TMEM164: variants seen among roughly 807,000 people sequenced by gnomAD.
TMEM164 encodes the protein transmembrane protein 164, also known as RP13-360B22.2.
Under a neutral mutation model 18.8 loss-of-function variants are expected in TMEM164, and 4 were observed. The observed-to-expected ratio is 0.21, with a 90% CI of 0.10 to 0.49. TMEM164 has a LOEUF of 0.49. Ranked by LOEUF, TMEM164 falls within the 20% of genes least tolerant of loss-of-function variation. The pLI is 0.98. For missense variants in TMEM164, 108 were observed against 239.9 expected (o/e 0.45, Z 3.63); for synonymous variants, 86 against 101.7 (o/e 0.85, Z 0.93).
At chrX:110,096,365 C>T (rs896986058) in intron 3 of TMEM164, among the ~76,000 whole-genome samples, 1 of 112,828 alleles carries the variant, frequency 8.9e-6, no homozygotes, top group African/African-American at 3.2e-5. Context: ...GCTTTATTTA[C>T]CTACTCAAGC....
At chrX:110,149,765 A>C (rs928702607) in intron 5 of TMEM164, among the ~76,000 whole-genome samples, 1 of 111,977 alleles carries the variant, frequency 8.9e-6, no homozygotes, top group Non-Finnish European at 1.9e-5. Context: ...TGTCTCAAGC[A>C]TATGTCAAAC....
intron 4 of TMEM164, among the ~76,000 whole-genome samples, chrX:110,120,318 C>G (rs1341518681): frequency 8.9e-6 from 1 of 112,097 alleles, no homozygotes; most frequent in Non-Finnish European, 1.9e-5. Context: ...TGAGCCACTA[C>G]TTCAAGCAGT....
At chrX:110,026,731 G>A (rs2147739414) in intron 2 of TMEM164, among the ~76,000 whole-genome samples, 1 of 111,702 alleles carries the variant, frequency 9.0e-6, no homozygotes, top group African/African-American at 3.2e-5. Flanking sequence ...GGTGGAGCTC[G>A]GATTAGAAAT....
intron 4 of TMEM164, among the ~76,000 whole-genome samples, chrX:110,139,044 T>C (rs1170445618): frequency 8.9e-6 from 1 of 112,503 alleles, no homozygotes; most frequent in Non-Finnish European, 1.9e-5. Context: ...GGAGTTTTGC[T>C]GTAAAGTATA....
Position 110,105,623 on chromosome X carries a change from G to A in TMEM164, c.441-3457G>A, listed in dbSNP as rs754397244. Among the ~76,000 whole-genome samples the A allele has an allele frequency of 8.5e-5, 9 of 106,252 alleles. No individual in the cohort carries two copies. The East Asian group carries it at 1.2e-3, about 14-fold the overall frequency. The allele number at this position is 106,252 out of a possible 115,157, so 92.3% of individuals were successfully genotyped here. A position where few individuals can be genotyped will look rare whatever the true frequency, so the allele number is the denominator to read the frequency against. ...ATGACCTTCCTTGCCCCATTGGCAC[G>A]CAAGAACTTTTTCCTTCCTGGCCTG... On this transcript the variant is annotated intron_variant, in intron 3 of 6. Transcript: ENST00000372068.
chrX:110,053,938 T>C (rs1226962213), intron 2 of TMEM164, among the ~76,000 whole-genome samples: 1 of 111,809 alleles, frequency 8.9e-6, no homozygotes, highest in Non-Finnish European at 1.9e-5. Context: ...GATGTGCGCA[T>C]GTGTTCTGGA....
chrX:110,164,431 G>A, intron 5 of TMEM164, among the ~76,000 whole-genome samples: 1 of 111,456 alleles, frequency 9.0e-6, no homozygotes, highest in Non-Finnish European at 1.9e-5. Context: ...TATCGGGAGT[G>A]AGCTGGAAAG....
At chrX:110,017,092 C>T (rs1408089712) in intron 2 of TMEM164, among the ~76,000 whole-genome samples, 6 of 112,241 alleles carry the variant, frequency 5.3e-5, no homozygotes, top group Non-Finnish European at 1.1e-4. Flanking sequence ...TGAAAGAAAC[C>T]TCTGAGAACA....
At chrX:110,169,458 C>A (rs1453006943) in intron 5 of TMEM164, among the ~76,000 whole-genome samples, 1 of 111,490 alleles carries the variant, frequency 9.0e-6, no homozygotes, top group Non-Finnish European at 1.9e-5. Context: ...TCTTTTTGGG[C>A]TCCTGTAGCA....
chrX:110,019,301 A>G (rs1171681279), intron 2 of TMEM164, among the ~76,000 whole-genome samples: 1 of 110,976 alleles, frequency 9.0e-6, no homozygotes, highest in Non-Finnish European at 1.9e-5. Context: ...CCTCCTTTTC[A>G]TCATCATAGT....
At chrX:110,043,147 C>T (rs775889874) in intron 2 of TMEM164, among the ~76,000 whole-genome samples, 1 of 112,561 alleles carries the variant, frequency 8.9e-6, no homozygotes, top group South Asian at 3.6e-4. Flanking sequence ...ATTGGGCTTC[C>T]AGCATGCAAC....
chrX:110,026,578 G>T (rs1934203313), intron 2 of TMEM164, among the ~76,000 whole-genome samples: 1 of 111,718 alleles, frequency 9.0e-6, no homozygotes, highest in Non-Finnish European at 1.9e-5. Context: ...AATGATAACA[G>T]CTCACATTTA....
At chrX:110,021,839 T>C (rs372827196) in intron 2 of TMEM164, among the ~76,000 whole-genome samples, 7 of 112,257 alleles carry the variant, frequency 6.2e-5, no homozygotes, top group African/African-American at 2.3e-4. Flanking sequence ...AGCAGACTTA[T>C]TGTACTGGCT....
At position 110,174,568 on chromosome X, in the gene TMEM164, A is replaced by G. The variant is rs899369318; in HGVS notation, c.*1117A>G. 3 of 110,438 alleles carry G rather than the reference A, an allele frequency of 2.7e-5. No individual in the cohort carries two copies. Among genetic ancestry groups the G allele is most frequent in the African/African-American group, 6.6e-5 (2 of 30,192 alleles). The allele number at this position is 110,438 out of a possible 1,213,427, so 9.1% of individuals were successfully genotyped here. A position where few individuals can be genotyped will look rare whatever the true frequency, so the allele number is the denominator to read the frequency against. ...AGGGCCAGATTTCTTCAGTGTATCC[A>G]CACTCAGTGCTGAATTGTTTAATGT... is the stretch of plus-strand genomic sequence containing the variant. On this transcript the variant is annotated 3_prime_UTR_variant, in exon 7 of 7. Transcript: ENST00000372068.
intron 5 of TMEM164, among the ~76,000 whole-genome samples, chrX:110,159,554 G>C (rs955646834): frequency 2.7e-5 from 3 of 110,238 alleles, no homozygotes; most frequent in Admixed American, 9.7e-5. Context: ...TGGAAGAGGT[G>C]CCTGCATGGA....
intron 5 of TMEM164, among the ~76,000 whole-genome samples, chrX:110,168,941 C>T (rs2067193960): frequency 8.9e-6 from 1 of 112,494 alleles, no homozygotes; most frequent in Admixed American, 9.4e-5. Context: ...TATATTATCT[C>T]ATCTCATCTC....
intron 5 of TMEM164, among the ~76,000 whole-genome samples, chrX:110,147,396 TTAAC>T (rs765546908): frequency 8.9e-6 from 1 of 112,028 alleles, no homozygotes; most frequent in South Asian, 3.7e-4. Flanking sequence ...ATCAAGCTAA[TTAAC>T]AAACTATATT....
chrX:110,096,634 C>G (rs141648808), intron 3 of TMEM164, among the ~76,000 whole-genome samples: 1,195 of 112,397 alleles, frequency 0.011, 12 homozygotes, highest in African/African-American at 0.035. Context: ...CCTTGTTCTT[C>G]CCGGGTGAGG....
chrX:110,056,405 C>G (rs1443769494), intron 2 of TMEM164, among the ~76,000 whole-genome samples: 1 of 112,257 alleles, frequency 8.9e-6, no homozygotes, highest in African/African-American at 3.2e-5. Context: ...GGATATGCCA[C>G]ATTTTATGTA....
Sources: gnomAD v4.1 joint callset for allele counts (sites outside exome capture counted in the v4.1 genomes callset) on GRCh38, gnomAD v4.1.1 for gene constraint, MANE v1.5 for transcripts, NCBI Gene and HGNC (gene_info 2026-07-23, HGNC 2026-07-21) for gene names.